The following CRADD variants were observed in gnomAD, a reference collection of about 807,000 sequenced individuals.
CRADD encodes CARD and death domain containing adaptor protein.
CRADD carries 9 observed loss-of-function variants against 15.5 expected under a neutral mutation model. That is an observed-to-expected ratio of 0.58 (90% CI 0.35 to 1.01). The LOEUF (loss-of-function observed/expected upper bound fraction) is 1.01, where lower values mean the gene tolerates loss of function less well. Ranked by LOEUF, CRADD falls within the 50% of genes least tolerant of loss-of-function variation. CRADD has a pLI of 0.02. For synonymous variants in CRADD, 118 were observed against 107.6 expected, an observed-to-expected ratio of 1.10 and a Z score of -0.60; for missense variants, 227 against 250.3, an observed-to-expected ratio of 0.91 and a Z score of 0.63.
At chr12:93,825,948 C>G (rs1181132045) in intron 2 of CRADD, among the ~76,000 whole-genome samples, 1 of 152,214 alleles carries the variant, frequency 6.6e-6, no homozygotes, top group Non-Finnish European at 1.5e-5. Context: ...AAATACATCC[C>G]TAGAATCTGA....
intron 2 of CRADD, among the ~76,000 whole-genome samples, chr12:93,842,909 C>A (rs1565935621): frequency 6.6e-6 from 1 of 152,192 alleles, no homozygotes; most frequent in East Asian, 1.9e-4. Context: ...TATATTGCCC[C>A]TTTTGAAACC....
rs1956410263 is a variant in CRADD, at chr12:93,728,625, A to T, written c.298+49553A>T. Reference sequence around the variant, plus strand: ...TATCTCATCAAGTATTAAAACATAAAATATAGTAAATATAAACAAAATGGT... The same window carrying T: ...TATCTCATCAAGTATTAAAACATAATATATAGTAAATATAAACAAAATGGT... On this transcript the variant is annotated intron_variant, in intron 2 of 2. Coordinates refer to ENST00000332896, the MANE Select transcript of CRADD (RefSeq NM_003805.5). 2.6e-5 allele frequency among the ~76,000 whole-genome samples: 4 copies of T among 152,312 alleles called. No homozygotes were observed. The South Asian group carries it at 8.3e-4, about 32-fold the overall frequency.
At chr12:93,820,804 T>C (rs1023968361) in intron 2 of CRADD, among the ~76,000 whole-genome samples, 3 of 152,198 alleles carry the variant, frequency 2.0e-5, no homozygotes. Context: ...CCATGCCCAG[T>C]CCCTCTTGGT....
intron 2 of CRADD, among the ~76,000 whole-genome samples, chr12:93,794,559 A>G (rs1957392176): frequency 6.6e-6 from 1 of 151,880 alleles, no homozygotes; most frequent in Non-Finnish European, 1.5e-5. Flanking sequence ...GAATTCATCT[A>G]CTTTCCTCTC....
chr12:93,860,824 A>G (rs1958314198), intron 2 of CRADD, among the ~76,000 whole-genome samples: 1 of 152,228 alleles, frequency 6.6e-6, no homozygotes, highest in Non-Finnish European at 1.5e-5. Context: ...AGAAACTGCC[A>G]GCTAACTTCT....
chr12:93,729,057 A>G (rs1044834261), intron 2 of CRADD, among the ~76,000 whole-genome samples: 3 of 152,212 alleles, frequency 2.0e-5, no homozygotes, highest in Non-Finnish European at 4.4e-5. Flanking sequence ...AAATTTCCAC[A>G]GCAGAACAGA....
chr12:93,830,628 C>T (rs914998453), intron 2 of CRADD, among the ~76,000 whole-genome samples: 1 of 151,942 alleles, frequency 6.6e-6, no homozygotes, highest in Non-Finnish European at 1.5e-5. Flanking sequence ...ATAAATATGC[C>T]CCTTCACCTG....
chr12:93,867,723 A>G (rs1454293715), intron 2 of CRADD, among the ~76,000 whole-genome samples: 1 of 152,182 alleles, frequency 6.6e-6, no homozygotes, highest in Non-Finnish European at 1.5e-5. Context: ...CCATGGTAGA[A>G]GAACACTAGG....
intron 2 of CRADD, among the ~76,000 whole-genome samples, chr12:93,877,154 T>G (rs545651587): frequency 1.3e-5 from 2 of 152,332 alleles, no homozygotes; most frequent in African/African-American, 4.8e-5. Flanking sequence ...CTTCCCGTAC[T>G]TAACCAAACA....
Position 93,844,860 on chromosome 12 carries a change from CAGA to C in CRADD, c.299-5107_299-5105del, listed in dbSNP as rs1467159147. On this transcript the variant is annotated intron_variant, in intron 2 of 2. Transcript: ENST00000332896. ...AAGGGTGCACCCCACCGTAGCCCCT[CAGA>C]AGCAGTACTGGAAAAGGAAGGCGAG... Among the ~76,000 whole-genome samples the C allele has an allele frequency of 7.2e-5, 11 of 152,280 alleles. No individual in the cohort carries two copies. The East Asian group carries it at 1.4e-3, about 19-fold the overall frequency.
chr12:93,802,590 G>A (rs1482461838), intron 2 of CRADD, among the ~76,000 whole-genome samples: 1 of 152,182 alleles, frequency 6.6e-6, no homozygotes, highest in Non-Finnish European at 1.5e-5. Flanking sequence ...AGAGGTGTGG[G>A]ATGGGACAAT....
intron 2 of CRADD, among the ~76,000 whole-genome samples, chr12:93,790,314 G>A (rs1957333686): frequency 6.6e-6 from 1 of 151,994 alleles, no homozygotes; most frequent in Non-Finnish European, 1.5e-5. Context: ...CTCAACTATA[G>A]GTGGGGGGAG....
chr12:93,843,867 T>C (rs1958079753), intron 2 of CRADD, among the ~76,000 whole-genome samples: 1 of 151,906 alleles, frequency 6.6e-6, no homozygotes. Context: ...ATTACAGGCG[T>C]ACACCACCAT....
intron 2 of CRADD, among the ~76,000 whole-genome samples, chr12:93,849,600 G>C (rs1406116885): frequency 6.6e-6 from 1 of 152,088 alleles, no homozygotes; most frequent in African/African-American, 2.4e-5. Flanking sequence ...AATTAGCTGG[G>C]CATGGTGGCA....
intron 2 of CRADD, among the ~76,000 whole-genome samples, chr12:93,759,746 G>A (rs1956928961): frequency 6.6e-6 from 1 of 151,986 alleles, no homozygotes; most frequent in Admixed American, 6.6e-5. Flanking sequence ...ATCTCAGTCT[G>A]ATTCCAGAAA....
chr12:93,891,197 A>G (rs1275349723), intron 2 of CRADD, among the ~76,000 whole-genome samples: 1 of 151,850 alleles, frequency 6.6e-6, no homozygotes, highest in African/African-American at 2.4e-5. Flanking sequence ...CTCAGAATAA[A>G]TCTTTTCAAT....
At chr12:93,697,543 C>T (rs73359670) in intron 2 of CRADD, among the ~76,000 whole-genome samples, 6,209 of 152,240 alleles carry the variant, frequency 0.041, 394 homozygotes, top group African/African-American at 0.14. Context: ...TATTTCAAAA[C>T]ATCATGTTAT....
chr12:93,821,229 G>C (rs1957766076), intron 2 of CRADD, among the ~76,000 whole-genome samples: 1 of 152,222 alleles, frequency 6.6e-6, no homozygotes, highest in Non-Finnish European at 1.5e-5. Flanking sequence ...TGTCCCCTGA[G>C]ATGGGGCATG....
intron 2 of CRADD, among the ~76,000 whole-genome samples, chr12:93,717,094 T>C (rs1033804140): frequency 6.6e-6 from 1 of 152,210 alleles, no homozygotes; most frequent in Admixed American, 6.5e-5. Flanking sequence ...TGGTATCTCA[T>C]TGTGTTTTAA....
Sources: allele counts gnomAD v4.1 joint callset (sites outside exome capture counted in the v4.1 genomes callset), GRCh38; gene constraint gnomAD v4.1.1; transcripts MANE v1.5; gene names NCBI Gene and HGNC (gene_info 2026-07-23, HGNC 2026-07-21).